The following COBLL1 variants were observed in gnomAD, a reference collection of about 807,000 sequenced individuals.
COBLL1 encodes the protein cordon-bleu protein-like 1.
A neutral mutation model predicts 94.8 loss-of-function variants in COBLL1; 50 were observed. The observed-to-expected ratio is 0.53, with a 90% CI of 0.42 to 0.67. The LOEUF is 0.67. Among genes scored for constraint, COBLL1 ranks in the 30% least tolerant of loss-of-function variants. The pLI, the probability that COBLL1 is intolerant of heterozygous loss-of-function variation, is 0.00. For missense variants in COBLL1, 1,362 were observed against 1,348.7 expected (o/e 1.01, Z -0.15); for synonymous variants, 448 against 473.8 (o/e 0.95, Z 0.71).
chr2:164,791,710 C>T (rs1393328268), intron 2 of COBLL1, among the ~76,000 whole-genome samples: 1 of 152,096 alleles, frequency 6.6e-6, no homozygotes, highest in Non-Finnish European at 1.5e-5. Context: ...TGGATCACAA[C>T]TAAGCTTGAG....
intron 2 of COBLL1, among the ~76,000 whole-genome samples, chr2:164,839,099 G>A (rs1683459892): frequency 6.6e-6 from 1 of 152,144 alleles, no homozygotes; most frequent in Admixed American, 6.5e-5. Flanking sequence ...TATTTTTCAG[G>A]TAATGATAAC....
rs1688798630 is a variant in COBLL1, at chr2:164,783,326, T to C, written c.42-39451A>G. The stretch of plus-strand genomic sequence containing the variant: ...TACTCAGGAGGCTGAGGCAGGAGGA[T>C]CACTTGAGCCTGGGAGGTCAAAGCT... On this transcript the variant is annotated intron_variant, in intron 2 of 13. Coordinates refer to ENST00000652658, the MANE Select transcript of COBLL1 (RefSeq NM_001365672.2). 2.0e-5 allele frequency among the ~76,000 whole-genome samples: 3 copies of C among 152,086 alleles called. No homozygotes were observed. In the South Asian group the frequency reaches 6.2e-4, roughly 32 times the overall value.
intron 2 of COBLL1, among the ~76,000 whole-genome samples, chr2:164,839,249 C>G (rs1278518086): frequency 6.6e-6 from 1 of 152,120 alleles, no homozygotes; most frequent in Non-Finnish European, 1.5e-5. Context: ...TTAGATAAGG[C>G]TCTTTTGTAC....
intron 2 of COBLL1, among the ~76,000 whole-genome samples, chr2:164,804,872 ACT>A: frequency 6.6e-6 from 1 of 152,066 alleles, no homozygotes; most frequent in East Asian, 1.9e-4. Context: ...CCACACATGG[ACT>A]CTCTGACCCA....
At chr2:164,800,462 C>T in intron 2 of COBLL1, 1 of 673,702 alleles carries the variant, frequency 1.5e-6, no homozygotes, top group Non-Finnish European at 2.7e-6. Flanking sequence ...CTCATGCACT[C>T]TTGGTGGAAT....
At chr2:164,660,900 G>A (rs937585608) in intron 2 of COBLL1, among the ~76,000 whole-genome samples, 1 of 152,036 alleles carries the variant, frequency 6.6e-6, no homozygotes, top group Non-Finnish European at 1.5e-5. Flanking sequence ...AAACCCTAAT[G>A]GGACTCTCAT....
chr2:164,707,084 C>T (rs1475524108), intron 7 of COBLL1, among the ~76,000 whole-genome samples: 1 of 152,098 alleles, frequency 6.6e-6, no homozygotes, highest in African/African-American at 2.4e-5. Context: ...CTCCCTGTGC[C>T]TGGAATGCTT....
At chr2:164,822,633 A>G (rs1360751179) in intron 2 of COBLL1, among the ~76,000 whole-genome samples, 1 of 152,092 alleles carries the variant, frequency 6.6e-6, no homozygotes, top group Non-Finnish European at 1.5e-5. Context: ...AAGTCTAATG[A>G]GATGAACTAA....
intron 2 of COBLL1, among the ~76,000 whole-genome samples, chr2:164,750,889 A>T (rs1014737322): frequency 1.3e-5 from 2 of 152,134 alleles, no homozygotes; most frequent in African/African-American, 4.8e-5. Flanking sequence ...CAACTCTCCA[A>T]GTGATTCTGA....
At chr2:164,748,846 T>C (rs547214660) in intron 2 of COBLL1, among the ~76,000 whole-genome samples, 26 of 152,318 alleles carry the variant, frequency 1.7e-4, no homozygotes, top group Non-Finnish European at 1.5e-4. Flanking sequence ...AATTATTGCT[T>C]ATGCAAATCA....
intron 2 of COBLL1, among the ~76,000 whole-genome samples, chr2:164,760,074 T>A (rs983562848): frequency 6.6e-6 from 1 of 152,162 alleles, no homozygotes; most frequent in Non-Finnish European, 1.5e-5. Context: ...AGTGAAAACT[T>A]ATATTCACAA....
intron 7 of COBLL1, among the ~76,000 whole-genome samples, chr2:164,710,828 G>C (rs1308318257): frequency 2.0e-5 from 3 of 151,984 alleles, no homozygotes; most frequent in Admixed American, 6.6e-5. Context: ...CTCCCAAAGT[G>C]CTGAGATTAT....
chr2:164,760,987 C>T (rs1687654967), intron 2 of COBLL1, among the ~76,000 whole-genome samples: 1 of 152,144 alleles, frequency 6.6e-6, no homozygotes. Flanking sequence ...AACTGTTGTT[C>T]TATTTAATGG....
chr2:164,728,284 C>T (rs1685818518), intron 4 of COBLL1, 87 bp from the exon 5 acceptor site: 2 of 795,728 alleles, frequency 2.5e-6, no homozygotes, highest in South Asian at 1.7e-5. Context: ...AGATAACCTA[C>T]AGTTACATAT....
intron 3 of COBLL1, among the ~76,000 whole-genome samples, chr2:164,736,595 A>G (rs1421838506): frequency 2.0e-5 from 3 of 152,176 alleles, no homozygotes; most frequent in African/African-American, 4.8e-5. Context: ...GCTAATTATA[A>G]ATAATTACCA....
At chr2:164,773,740 G>C (rs1347672822) in intron 2 of COBLL1, 2 of 1,297,972 alleles carry the variant, frequency 1.5e-6, no homozygotes, top group Admixed American at 4.8e-5. Flanking sequence ...AAACAGTATT[G>C]TTCCTCTAGC....
chr2:164,788,847 A>AG (rs1468504820), intron 2 of COBLL1, among the ~76,000 whole-genome samples: 3 of 151,780 alleles, frequency 2.0e-5, no homozygotes, highest in Non-Finnish European at 1.5e-5. Flanking sequence ...ACCAAAAAAA[A>AG]AAAAGCCAGA....
At chr2:164,745,833 T>C (rs1381456235) in intron 2 of COBLL1, among the ~76,000 whole-genome samples, 1 of 152,128 alleles carries the variant, frequency 6.6e-6, no homozygotes, top group Non-Finnish European at 1.5e-5. Context: ...TGGAATTAAA[T>C]GGTTTGGTAA....
chr2:164,798,211 T>G (rs1683569947), intron 2 of COBLL1, among the ~76,000 whole-genome samples: 1 of 152,208 alleles, frequency 6.6e-6, no homozygotes, highest in Non-Finnish European at 1.5e-5. Context: ...TTAAGGGAGT[T>G]TGTTCCTTCT....
Sources: gnomAD v4.1 joint callset for allele counts (sites outside exome capture counted in the v4.1 genomes callset) on GRCh38, gnomAD v4.1.1 for gene constraint, MANE v1.5 for transcripts, NCBI Gene and HGNC (gene_info 2026-07-23, HGNC 2026-07-21) for gene names.